FRYL: variants seen among roughly 807,000 people sequenced by gnomAD.
FRYL encodes protein furry homolog-like.
In FRYL, 150 loss-of-function variants were observed where a neutral mutation model predicts 351.2. The ratio of observed to expected loss-of-function variants is 0.43; its 90% CI spans 0.37 to 0.49. The LOEUF (loss-of-function observed/expected upper bound fraction) is 0.49, where lower values mean the gene tolerates loss of function less well. Among genes scored for constraint, FRYL ranks in the 20% least tolerant of loss-of-function variants. The probability of loss-of-function intolerance (pLI) is 0.00; values close to 1 mark genes in which losing one functional copy is unlikely to be tolerated. For synonymous variants in FRYL, 1,153 were observed against 1,257.1 expected (o/e 0.92, Z 1.75); for missense variants, 3,036 against 3,619.3 (o/e 0.84, Z 4.13).
At chr4:48,611,500 G>T (rs1275557881) in intron 7 of FRYL, among the ~76,000 whole-genome samples, 1 of 151,910 alleles carries the variant, frequency 6.6e-6, no homozygotes, top group African/African-American at 2.4e-5. Flanking sequence ...CAATCAATTT[G>T]TATGTGTCTA....
At chr4:48,634,805 G>C (rs1232611616) in intron 3 of FRYL, among the ~76,000 whole-genome samples, 1 of 152,054 alleles carries the variant, frequency 6.6e-6, no homozygotes, top group African/African-American at 2.4e-5. Flanking sequence ...GCATAGATTA[G>C]GTGCACAGTA....
rs115103500 is a variant in FRYL, at chr4:48,522,144, T to C, written c.7521+757A>G. Among the ~76,000 whole-genome samples the C allele has an allele frequency of 4.3e-3, 647 of 152,216 alleles. 7 individuals are homozygous for C. The highest frequency in any genetic ancestry group is 0.014 in the African/African-American group (583 of 41,526). ...AATTTAAAAAAATTAGCTGTGCATA[T>C]GTGGCATGCACCTGTAGTCCTAGCT... On this transcript the variant is annotated intron_variant, in intron 54 of 63. Transcript: ENST00000358350.
intron 50 of FRYL, among the ~76,000 whole-genome samples, chr4:48,529,345 C>T (rs1420295731): frequency 4.6e-5 from 7 of 152,134 alleles, no homozygotes; most frequent in Non-Finnish European, 5.9e-5. Flanking sequence ...TTTGGTGTAT[C>T]TCCAGTGCCT....
chr4:48,547,750 A>T lies in FRYL; in HGVS notation c.4908T>A (p.Pro1636=). 1 of 1,526,458 alleles carries T rather than the reference A, an allele frequency of 6.6e-7. No homozygotes were observed. Among genetic ancestry groups the T allele is most frequent in the Non-Finnish European group, 8.9e-7 (1 of 1,125,000 alleles). 94.6% of individuals were successfully genotyped at this position (1,526,458 alleles called of 1,614,324 possible). Residue 1636 remains proline, a synonymous_variant, in exon 41 of 64, where the codon CCT becomes CCA. Transcript: ENST00000358350. ...AIFIGFDHCH[P]EVYEHCKRLL... ...GGCGTTTACAATGTTCATACACCTC[A>T]GGGTGGCAGTGGTCAAACCCTAAAA... is the stretch of plus-strand genomic sequence containing the variant.
At chr4:48,647,148 G>A (rs753159531) in intron 3 of FRYL, among the ~76,000 whole-genome samples, 18 of 152,020 alleles carry the variant, frequency 1.2e-4, no homozygotes, top group Non-Finnish European at 2.4e-4. Flanking sequence ...ATGGGTAGCC[G>A]AGATACTACA....
At position 48,609,762 on chromosome 4, in the gene FRYL, T is replaced by C; in HGVS notation, c.473A>G (p.His158Arg). Residue 158 changes from histidine (H) to arginine (R), a missense_variant, in exon 8 of 64, where the codon CAC becomes CGC. Transcript: ENST00000358350. The part of the protein sequence containing the change: ...VHEVLNLAFK[H>R]FKHKEGYSGT... ...TACTTACCCTTCCTTATGTTTAAAG[T>C]GCTTAAAAGCTAAGTTTAGAACTTC... The C allele has an allele frequency of 6.3e-7, 1 of 1,579,080 alleles. No individual in the cohort carries two copies. The highest frequency in any genetic ancestry group is 8.6e-7 in the Non-Finnish European group (1 of 1,156,318).
chr4:48,558,221 T>C (rs78616579), intron 33 of FRYL, among the ~76,000 whole-genome samples: 317 of 152,314 alleles, frequency 2.1e-3, no homozygotes, highest in African/African-American at 6.9e-3. Context: ...TATAGTGGAA[T>C]ATTATGCACC....
At position 48,620,752 on chromosome 4, in the gene FRYL, T is replaced by C. The variant is rs1251870716; in HGVS notation, c.201A>G (p.Ala67=). Residue 67 remains alanine (A), a synonymous_variant, in exon 6 of 64, where the codon GCA becomes GCG. Coordinates refer to ENST00000358350, the MANE Select transcript of FRYL (RefSeq NM_015030.2). ...GAAGTAAGGAAGGGAGACAGTGCTC[T>C]GCTACTGAGCTCATAGAGCTTATCA... The part of the protein sequence containing the change: ...DQLISSMSSV[A]EHCLPSLLRT... 1.9e-6 allele frequency: 3 copies of C among 1,613,852 alleles called. No homozygotes were observed. Among genetic ancestry groups the C allele is most frequent in the Non-Finnish European group, 2.5e-6 (3 of 1,179,782 alleles).
chr4:48,669,413 G>A (rs919662311), intron 3 of FRYL, among the ~76,000 whole-genome samples: 18 of 151,960 alleles, frequency 1.2e-4, no homozygotes, highest in African/African-American at 4.4e-4. Flanking sequence ...AGCAATTGGG[G>A]GAGGAGATTT....
intron 7 of FRYL, among the ~76,000 whole-genome samples, chr4:48,617,016 G>C (rs1242306857): frequency 2.0e-5 from 3 of 152,126 alleles, no homozygotes; most frequent in African/African-American, 7.2e-5. Context: ...AAGCTACAAA[G>C]ACTTGCCTTT....
chr4:48,739,968 TAG>T (rs1378438575), intron 1 of FRYL, among the ~76,000 whole-genome samples: 1 of 152,316 alleles, frequency 6.6e-6, no homozygotes, highest in Non-Finnish European at 1.5e-5. Context: ...TGGGACACTT[TAG>T]AGAGTCCTCA....
chr4:48,766,278 A>C (rs1325148746), intron 1 of FRYL, among the ~76,000 whole-genome samples: 1 of 152,162 alleles, frequency 6.6e-6, no homozygotes, highest in Admixed American at 6.5e-5. Flanking sequence ...CTGTTCCCTG[A>C]GAAGCTGCAG....
chr4:48,570,817 C>A lies in FRYL; in HGVS notation c.2996+10G>T. On this transcript the variant is annotated intron_variant, in intron 27 of 63. Transcript: ENST00000358350. ...TTCCAGAGTTTTAACAATGTGAATC[C>A]AATACTGACCTGTGACTAATGACAC... 6.3e-7 allele frequency: 1 copy of A among 1,585,068 alleles called. No individual in the cohort carries two copies. The highest frequency in any genetic ancestry group is 1.1e-5 in the South Asian group (1 of 90,438).
chr4:48,623,213 A>G, intron 4 of FRYL, 34 bp from the exon 5 acceptor site: 1 of 1,139,562 alleles, frequency 8.8e-7, no homozygotes, highest in Non-Finnish European at 1.2e-6. Context: ...TAAAAATAAA[A>G]ATAAAGCACA....
intron 8 of FRYL, 101 bp from the exon 9 acceptor site, chr4:48,609,168 TTC>T: frequency 1.4e-6 from 1 of 697,378 alleles, no homozygotes; most frequent in Non-Finnish European, 2.5e-6. Flanking sequence ...TTGTATAATT[TTC>T]TCTGAATATT....
chr4:48,630,670 T>C (rs1030918727), intron 4 of FRYL, among the ~76,000 whole-genome samples: 1 of 152,148 alleles, frequency 6.6e-6, no homozygotes, highest in Admixed American at 6.6e-5. Flanking sequence ...AAAATGAAAA[T>C]GAAATTGTGG....
intron 2 of FRYL, among the ~76,000 whole-genome samples, chr4:48,706,029 G>A (rs190226901): frequency 4.3e-4 from 65 of 152,278 alleles, no homozygotes; most frequent in African/African-American, 1.4e-3. Flanking sequence ...TAGAGACAGG[G>A]TTTCACCATG....
At chr4:48,642,794 AC>A (rs1755597268) in intron 3 of FRYL, among the ~76,000 whole-genome samples, 2 of 152,120 alleles carry the variant, frequency 1.3e-5, no homozygotes, top group African/African-American at 4.8e-5. Flanking sequence ...TGGGAGCTCA[AC>A]TAAGAAACTA....
intron 2 of FRYL, among the ~76,000 whole-genome samples, chr4:48,693,860 T>C (rs1179191773): frequency 6.6e-6 from 1 of 152,212 alleles, no homozygotes; most frequent in African/African-American, 2.4e-5. Context: ...CACATGAATA[T>C]TTGATGAGGA....
Sources: allele counts gnomAD v4.1 joint callset (sites outside exome capture counted in the v4.1 genomes callset), GRCh38; gene constraint gnomAD v4.1.1; transcripts MANE v1.5; gene names NCBI Gene and HGNC (gene_info 2026-07-23, HGNC 2026-07-21).